FAM181B: variants seen among roughly 807,000 people sequenced by gnomAD.
FAM181B encodes the protein family with sequence similarity 181 member B, also known as protein FAM181B.
Under a neutral mutation model 17.8 loss-of-function variants are expected in FAM181B, and 13 were observed. The ratio of observed to expected loss-of-function variants is 0.73; its 90% CI spans 0.48 to 1.16. The LOEUF is 1.16. Among genes scored for constraint, FAM181B ranks in the 50% most tolerant of loss-of-function variants. FAM181B has a pLI of 0.00. For synonymous variants in FAM181B, 338 were observed against 316.5 expected, an observed-to-expected ratio of 1.07 and a Z score of -0.72; for missense variants, 725 against 634.1, an observed-to-expected ratio of 1.14 and a Z score of -1.54.
chr11:82,732,920 G>C lies in FAM181B; in HGVS notation c.810C>G (p.Pro270=), dbSNP rs1295903335. ...CCGCCTCCGTGCCGGCGCCGTAGTC[G>C]GGCCCCAGCAGCTCAAAGAACTCCA... ...EAVEFFELLG[P]DYGAGTEAAV... is the part of the protein sequence containing the mutation. The change falls in exon 1 of 1, where the codon CCC becomes CCG. Residue 270 remains proline, a synonymous_variant. Coordinates refer to ENST00000329203, the MANE Select transcript of FAM181B (RefSeq NM_175885.4). The C allele has an allele frequency of 5.1e-6, 8 of 1,566,052 alleles. No homozygotes were observed. The highest frequency in any genetic ancestry group is 1.8e-5 in the Admixed American group (1 of 54,644).
chr11:82,732,920 G>T lies in FAM181B; in HGVS notation c.810C>A (p.Pro270=), dbSNP rs1295903335. ...EAVEFFELLG[P]DYGAGTEAAV... is the part of the protein sequence containing the mutation. ...CCGCCTCCGTGCCGGCGCCGTAGTC[G>T]GGCCCCAGCAGCTCAAAGAACTCCA... The change falls in exon 1 of 1, where the codon CCC becomes CCA. Residue 270 remains proline (P), a synonymous_variant. Transcript: ENST00000329203. 1.9e-6 allele frequency: 3 copies of T among 1,565,932 alleles called. No homozygotes were observed. The highest frequency in any genetic ancestry group is 2.6e-6 in the Non-Finnish European group (3 of 1,161,388).
At position 82,732,721 on chromosome 11, in the gene FAM181B, G is replaced by C; in HGVS notation, c.1009C>G (p.Leu337Val). 6.9e-7 allele frequency: 1 copy of C among 1,458,004 alleles called. No individual in the cohort carries two copies. Among genetic ancestry groups the C allele is most frequent in the Non-Finnish European group, 9.1e-7 (1 of 1,103,912 alleles). The allele number at this position is 1,458,004 out of a possible 1,614,324, so 90.3% of individuals were successfully genotyped here. A position where few individuals can be genotyped will look rare whatever the true frequency, so the allele number is the denominator to read the frequency against. ...PGCSPTKKSP[L>V]TAPRGGLTLN... ...GTCAAGCCGCCGCGGGGGGCAGTCA[G>C]GGGGCTCTTTTTGGTCGGGGAGCAG... The change falls in exon 1 of 1, where the codon CTG becomes GTG. Residue 337 changes from leucine (L) to valine (V), a missense_variant. Physicochemically the swap from Leu to Val is conservative, Grantham distance 32 (BLOSUM62 1). Coordinates refer to ENST00000329203, the MANE Select transcript of FAM181B (RefSeq NM_175885.4).
chr11:82,732,297 T>C lies in FAM181B; in HGVS notation c.*152A>G. The C allele has an allele frequency of 1.3e-6, 1 of 752,364 alleles. No individual in the cohort carries two copies. 46.6% of individuals were successfully genotyped at this position (752,364 alleles called of 1,614,324 possible). A position where few individuals can be genotyped will look rare whatever the true frequency, so the allele number is the denominator to read the frequency against. On this transcript the variant is annotated 3_prime_UTR_variant, in exon 1 of 1. Coordinates refer to ENST00000329203, the MANE Select transcript of FAM181B (RefSeq NM_175885.4). ...ACAATCCCCAACTCGTCTTCATCTC[T>C]TTTTTCTGAAGTTGCTTTTATTAAT...
Position 82,732,899 on chromosome 11 carries a change from C to A in FAM181B, c.831G>T (p.Glu277Asp), listed in dbSNP as rs1240608027. The A allele has an allele frequency of 6.5e-7, 1 of 1,547,620 alleles. No homozygotes were observed. Among genetic ancestry groups the A allele is most frequent in the East Asian group, 2.5e-5 (1 of 40,480 alleles). Residue 277 changes from glutamate to aspartate, a missense_variant, in exon 1 of 1, where the codon GAG becomes GAT. By Grantham distance (45) the Glu-to-Asp change is conservative. Transcript: ENST00000329203. ...LLGPDYGAGTEAAVLLAAEPL... is the reference protein window; with the variant it reads ...LLGPDYGAGTDAAVLLAAEPL... The stretch of plus-strand genomic sequence containing the variant: ...GCTCGGCGGCAAGCAAGACTGCCGC[C>A]TCCGTGCCGGCGCCGTAGTCGGGCC...
Position 82,733,849 on chromosome 11 carries a change from C to T in FAM181B, c.-120G>A. On this transcript the variant is annotated 5_prime_UTR_variant, in exon 1 of 1. Transcript: ENST00000329203. ...CGCGGCGCAGCCTACTAGTTCCGGG[C>T]CTGGCTCGCTGCGCTGCCTCCCGGG... 1 of 823,240 alleles carries T rather than the reference C, an allele frequency of 1.2e-6. No homozygotes were observed. The highest frequency in any genetic ancestry group is 6.0e-5 in the South Asian group (1 of 16,694). 51.0% of individuals were successfully genotyped at this position (823,240 alleles called of 1,614,324 possible).
In FAM181B at chr11:82,733,522, T is replaced by C; in HGVS notation, c.208A>G (p.Ile70Val). The C allele has an allele frequency of 2.5e-6, 4 of 1,609,490 alleles. No individual in the cohort carries two copies. The highest frequency in any genetic ancestry group is 3.4e-6 in the Non-Finnish European group (4 of 1,179,126). Residue 70 changes from isoleucine to valine, a missense_variant, in exon 1 of 1, where the codon ATT (isoleucine) becomes GTT (valine). Ile to Val is a conservative substitution (Grantham distance 29). Transcript: ENST00000329203. ...TTGATGTTGCTGGACGCCGAGTCAA[T>C]GAAGCTGAGTAGATCGCGGGTGGCC... Reference protein sequence around the residue: ...REATRDLLSFIDSASSNIKLA... With the variant: ...REATRDLLSFVDSASSNIKLA...
rs1368704066 is a variant in FAM181B, at chr11:82,731,062, C to A, written c.*1387G>T. The A allele has an allele frequency of 6.6e-6, 1 of 152,326 alleles. No homozygotes were observed. Among genetic ancestry groups the A allele is most frequent in the Non-Finnish European group, 1.5e-5 (1 of 68,132 alleles). The allele number at this position is 152,326 out of a possible 1,614,324, so 9.4% of individuals were successfully genotyped here. ...CAGTCTTTCCTCCCCTGCCCCTTAA[C>A]CAACCTATTGGTGCCATGTGTCCTC... is the stretch of plus-strand genomic sequence containing the variant. On this transcript the variant is annotated 3_prime_UTR_variant, in exon 1 of 1. Coordinates refer to ENST00000329203, the MANE Select transcript of FAM181B (RefSeq NM_175885.4).
In FAM181B at chr11:82,733,396, G is replaced by C; in HGVS notation, c.334C>G (p.Pro112Ala). ...KRCSGLMGAA[P>A]PGPPSPSAAD... ...GCGCTCGGGGAGGGCGGGCCGGGGGGCGCGGCGCCCATGAGGCCGCTGCAG... is the reference window on the plus strand; with the variant it reads ...GCGCTCGGGGAGGGCGGGCCGGGGGCCGCGGCGCCCATGAGGCCGCTGCAG... The change falls in exon 1 of 1, where the codon CCC becomes GCC. Residue 112 changes from proline (P) to alanine (A), a missense_variant. By Grantham distance (27) the Pro-to-Ala change is conservative. Coordinates refer to ENST00000329203, the MANE Select transcript of FAM181B (RefSeq NM_175885.4). The C allele has an allele frequency of 1.4e-6, 2 of 1,480,432 alleles. No individual in the cohort carries two copies. The highest frequency in any genetic ancestry group is 1.8e-6 in the Non-Finnish European group (2 of 1,114,070). 91.7% of individuals were successfully genotyped at this position (1,480,432 alleles called of 1,614,324 possible).
chr11:82,732,667 G>A lies in FAM181B; in HGVS notation c.1063C>T (p.Pro355Ser), dbSNP rs967679273. 6 of 1,481,250 alleles carry A rather than the reference G, an allele frequency of 4.1e-6. No individual in the cohort carries two copies. In the East Asian group the frequency reaches 7.4e-5, roughly 18 times the overall value. 91.8% of individuals were successfully genotyped at this position (1,481,250 alleles called of 1,614,324 possible). A position where few individuals can be genotyped will look rare whatever the true frequency, so the allele number is the denominator to read the frequency against. The change falls in exon 1 of 1, where the codon CCC (proline) becomes TCC (serine). Residue 355 changes from proline to serine, a missense_variant. By Grantham distance (74) the Pro-to-Ser change is moderately conservative (BLOSUM62 -1). Coordinates refer to ENST00000329203, the MANE Select transcript of FAM181B (RefSeq NM_175885.4). ...CCGCCGGGAGAATCCGCAGCGGCGG[G>A]GTACAGGGGGCTCAAGGGCTCGTTC... ...TLNEPLSPLY[P>S]AAADSPGGED... is the part of the protein sequence containing the mutation.
chr11:82,732,350 C>T lies in FAM181B; in HGVS notation c.*99G>A. ...AATTTTTAAAAATCTGGTTTCATCT[C>T]CACGTGCATTTTCCCATCGTTCTTC... On this transcript the variant is annotated 3_prime_UTR_variant, in exon 1 of 1. Coordinates refer to ENST00000329203, the MANE Select transcript of FAM181B (RefSeq NM_175885.4). 1 of 1,174,708 alleles carries T rather than the reference C, an allele frequency of 8.5e-7. No individual in the cohort carries two copies. The highest frequency in any genetic ancestry group is 2.7e-5 in the East Asian group (1 of 36,908). 72.8% of individuals were successfully genotyped at this position (1,174,708 alleles called of 1,614,324 possible). A position where few individuals can be genotyped will look rare whatever the true frequency, so the allele number is the denominator to read the frequency against.
At position 82,733,442 on chromosome 11, in the gene FAM181B, G is replaced by A. The variant is rs377416489; in HGVS notation, c.288C>T (p.Tyr96=). Residue 96 remains tyrosine (Y), a synonymous_variant, in exon 1 of 1, where the codon TAC becomes TAT. Transcript: ENST00000329203. ...TGCAGCGCTTGATCTGCTTCTGCAGGTACTTGCGGTGGTTCACCTTCCGCT... is the reference window on the plus strand; with the variant it reads ...TGCAGCGCTTGATCTGCTTCTGCAGATACTTGCGGTGGTTCACCTTCCGCT... ...KSKRKVNHRK[Y]LQKQIKRCSG... is the part of the protein sequence containing the mutation. 16 of 1,587,952 alleles carry A rather than the reference G, an allele frequency of 1.0e-5. No homozygotes were observed. The highest frequency in any genetic ancestry group is 1.3e-5 in the Non-Finnish European group (15 of 1,167,480).
chr11:82,732,403 G>T lies in FAM181B; in HGVS notation c.*46C>A. 6.4e-7 allele frequency: 1 copy of T among 1,560,666 alleles called. No individual in the cohort carries two copies. Among genetic ancestry groups the T allele is most frequent in the Non-Finnish European group, 8.7e-7 (1 of 1,144,798 alleles). On this transcript the variant is annotated 3_prime_UTR_variant, in exon 1 of 1. Coordinates refer to ENST00000329203, the MANE Select transcript of FAM181B (RefSeq NM_175885.4). The stretch of plus-strand genomic sequence containing the variant: ...ATTTAGGAGAAACCCACGGAGGCGC[G>T]GCGCTCTCCACAGCCGTCTCTAATG...
chr11:82,730,200 G>A lies in FAM181B; in HGVS notation c.*2249C>T, dbSNP rs1013558668. 2 of 152,188 alleles carry A rather than the reference G, an allele frequency of 1.3e-5. No individual in the cohort carries two copies. Among genetic ancestry groups the A allele is most frequent in the African/African-American group, 4.8e-5 (2 of 41,424 alleles). The allele number at this position is 152,188 out of a possible 1,614,324, so 9.4% of individuals were successfully genotyped here. On this transcript the variant is annotated 3_prime_UTR_variant, in exon 1 of 1. Coordinates refer to ENST00000329203, the MANE Select transcript of FAM181B (RefSeq NM_175885.4). ...ACTAGGACCTCCCTCGACATGTGGG[G>A]ATTACAATTAGAGATGACATTTGGC...
chr11:82,730,014 T>G lies in FAM181B; in HGVS notation c.*2435A>C, dbSNP rs745952401. 1 of 152,302 alleles carries G rather than the reference T, an allele frequency of 6.6e-6. No individual in the cohort carries two copies. The highest frequency in any genetic ancestry group is 1.5e-5 in the Non-Finnish European group (1 of 68,142). The allele number at this position is 152,302 out of a possible 1,614,324, so 9.4% of individuals were successfully genotyped here. Reference sequence around the variant, plus strand: ...GGAGGCCTCATGAAACTTACAATCATGGCAGAAGGTGAAGCAGCAGGAAGG... The same window carrying G: ...GGAGGCCTCATGAAACTTACAATCAGGGCAGAAGGTGAAGCAGCAGGAAGG... On this transcript the variant is annotated 3_prime_UTR_variant, in exon 1 of 1. Coordinates refer to ENST00000329203, the MANE Select transcript of FAM181B (RefSeq NM_175885.4).
In FAM181B at chr11:82,730,250, C is replaced by G. The variant is rs1003036438; in HGVS notation, c.*2199G>C. On this transcript the variant is annotated 3_prime_UTR_variant, in exon 1 of 1. Coordinates refer to ENST00000329203, the MANE Select transcript of FAM181B (RefSeq NM_175885.4). ...CTAGGGACACAGATCCAAACAGTAT[C>G]AAGCACCTACATCATGGCAATATTA... is the stretch of plus-strand genomic sequence containing the variant. 6.6e-6 allele frequency: 1 copy of G among 152,162 alleles called. No individual in the cohort carries two copies. The allele number at this position is 152,162 out of a possible 1,614,324, so 9.4% of individuals were successfully genotyped here.
rs1038023982 is a variant in FAM181B at position 82,731,584 on chromosome 11, G to C, written c.*865C>G. ...GAACATTACCGTCTTCACCCTCTCA[G>C]ATCACGAAAATTGATACAAAGAGGT... is the stretch of plus-strand genomic sequence containing the variant. On this transcript the variant is annotated 3_prime_UTR_variant, in exon 1 of 1. Coordinates refer to ENST00000329203, the MANE Select transcript of FAM181B (RefSeq NM_175885.4). The C allele has an allele frequency of 2.6e-5, 4 of 152,304 alleles. No homozygotes were observed. The East Asian group carries it at 5.8e-4, about 22-fold the overall frequency. The allele number at this position is 152,304 out of a possible 1,614,324, so 9.4% of individuals were successfully genotyped here.
In FAM181B at chr11:82,732,240, G is replaced by C. The variant is rs1857138937; in HGVS notation, c.*209C>G. ...TAAGAACCTACAAACGTGTTTGTTT[G>C]TTTTTGTTTTAACACTTGAGGTTGT... On this transcript the variant is annotated 3_prime_UTR_variant, in exon 1 of 1. Transcript: ENST00000329203. 2 of 590,126 alleles carry C rather than the reference G, an allele frequency of 3.4e-6. No homozygotes were observed. The highest frequency in any genetic ancestry group is 3.9e-5 in the African/African-American group (2 of 51,478). 36.6% of individuals were successfully genotyped at this position (590,126 alleles called of 1,614,324 possible). A position where few individuals can be genotyped will look rare whatever the true frequency, so the allele number is the denominator to read the frequency against.
Position 82,732,085 on chromosome 11 carries a change from T to C in FAM181B, c.*364A>G. On this transcript the variant is annotated 3_prime_UTR_variant, in exon 1 of 1. Coordinates refer to ENST00000329203, the MANE Select transcript of FAM181B (RefSeq NM_175885.4). The stretch of plus-strand genomic sequence containing the variant: ...CTAGGACACTGTTTAGAAGGGGTAA[T>C]TACACTAAATACACTGACCTTCGCT... 3.9e-6 allele frequency: 1 copy of C among 253,764 alleles called. No homozygotes were observed. Among genetic ancestry groups the C allele is most frequent in the Non-Finnish European group, 7.5e-6 (1 of 133,644 alleles). 15.7% of individuals were successfully genotyped at this position (253,764 alleles called of 1,614,324 possible).
Position 82,732,989 on chromosome 11 carries a change from C to T in FAM181B, c.741G>A (p.Gly247=). The T allele has an allele frequency of 1.3e-6, 2 of 1,559,656 alleles. No individual in the cohort carries two copies. The highest frequency in any genetic ancestry group is 1.7e-6 in the Non-Finnish European group (2 of 1,162,630). The change falls in exon 1 of 1, where the codon GGG becomes GGA. Residue 247 remains glycine, a synonymous_variant. Transcript: ENST00000329203. ...CCAGGTCGCCCAAGCTCACGTCCGG[C>T]CCCGACGGGCCACACCCGCCGCCGC... The part of the protein sequence containing the change: ...RAGGGGCGPS[G]PDVSLGDLEK...
Sources: allele counts gnomAD v4.1 joint callset, GRCh38; gene constraint gnomAD v4.1.1; transcripts MANE v1.5; gene names NCBI Gene and HGNC (gene_info 2026-07-23, HGNC 2026-07-21).